SASH1: variants seen among roughly 807,000 people sequenced by gnomAD.
SASH1 encodes the protein SAM and SH3 domain containing 1.
SASH1 carries 44 observed loss-of-function variants against 125.2 expected under a neutral mutation model. That is an observed-to-expected ratio of 0.35 (90% CI 0.28 to 0.45). The LOEUF is 0.45. Among genes scored for constraint, SASH1 ranks in the 20% least tolerant of loss-of-function variants. The pLI is 1.00. For missense variants in SASH1, 1,426 were observed against 1,614.5 expected (o/e 0.88, Z 2.00); for synonymous variants, 639 against 649.1 (o/e 0.98, Z 0.24).
At chr6:148,398,944 C>T (rs938108708) in intron 2 of SASH1, among the ~76,000 whole-genome samples, 6 of 152,180 alleles carry the variant, frequency 3.9e-5, no homozygotes, top group African/African-American at 1.4e-4. Context: ...GCATTTTTTG[C>T]ACATGGCACT....
At chr6:148,214,756 A>C in the SASH1 span, among the ~76,000 whole-genome samples, 10,779 of 152,164 alleles carry the variant, frequency 0.071, 487 homozygotes, top group African/African-American at 0.12. Context: ...AGCGGGGAGG[A>C]AAGTCTCATG....
intron 1 of SASH1, among the ~76,000 whole-genome samples, chr6:148,330,779 T>G (rs1780973127): frequency 6.6e-6 from 1 of 152,066 alleles, no homozygotes; most frequent in African/African-American, 2.4e-5. Flanking sequence ...AGAGATGGGG[T>G]TTCGCCATGT....
intron 1 of SASH1, among the ~76,000 whole-genome samples, chr6:148,304,826 G>A (rs916738891): frequency 6.6e-6 from 1 of 152,140 alleles, no homozygotes; most frequent in Non-Finnish European, 1.5e-5. Context: ...TCAGGAGTTC[G>A]AGATCAGCCT....
chr6:148,467,755 G>A (rs1489290327), intron 4 of SASH1, among the ~76,000 whole-genome samples: 1 of 152,098 alleles, frequency 6.6e-6, no homozygotes, highest in Non-Finnish European at 1.5e-5. Context: ...TGGCCAACAT[G>A]GTGAAACCCC....
In SASH1 at chr6:148,543,724, G is replaced by A. The variant is rs201267871; in HGVS notation, c.2254G>A (p.Glu752Lys). The A allele has an allele frequency of 1.8e-5, 28 of 1,581,360 alleles. No homozygotes were observed. Among genetic ancestry groups the A allele is most frequent in the South Asian group, 5.8e-5 (5 of 86,186 alleles). The change falls in exon 18 of 20, where the codon GAG (glutamate) becomes AAG (lysine). Residue 752 changes from glutamate to lysine, a missense_variant. By Grantham distance (56) the Glu-to-Lys change is moderately conservative (BLOSUM62 1). This residue lies in a region of SASH1 where 634 missense variants were observed against 694.4 expected (regional missense o/e 0.91). Coordinates refer to ENST00000367467, the MANE Select transcript of SASH1 (RefSeq NM_015278.5). Reference protein sequence around the residue: ...ASLLSAKSSTEPSLKSFSRNQ... With the variant: ...ASLLSAKSSTKPSLKSFSRNQ... ...CCTCCTATCTGCCAAGTCATCCACC[G>A]AGCCCAGCTTGAAGTCTTTTAGCAG...
intron 1 of SASH1, among the ~76,000 whole-genome samples, chr6:148,373,741 G>C (rs191683921): frequency 2.8e-5 from 4 of 144,928 alleles, no homozygotes; most frequent in East Asian, 3.9e-4. Flanking sequence ...AGGCCAAGGT[G>C]GGGGGGATCA....
intron 1 of SASH1, among the ~76,000 whole-genome samples, chr6:148,345,213 T>G (rs985035303): frequency 1.3e-5 from 2 of 152,140 alleles, no homozygotes; most frequent in African/African-American, 4.8e-5. Context: ...AAACTTGGGC[T>G]GAGGGTTCTT....
the SASH1 span, among the ~76,000 whole-genome samples, chr6:148,250,434 T>C: frequency 3.3e-5 from 5 of 152,186 alleles, no homozygotes; most frequent in African/African-American, 9.6e-5. Context: ...TTCTTAAGGG[T>C]TCTTAAGTAA....
chr6:148,353,064 A>G (rs1014334981), intron 1 of SASH1, among the ~76,000 whole-genome samples: 1 of 151,966 alleles, frequency 6.6e-6, no homozygotes, highest in African/African-American at 2.4e-5. Flanking sequence ...TAATCTTTTT[A>G]ATTTTTTATT....
At chr6:148,471,279 GA>G (rs1208958310) in intron 5 of SASH1, 137 bp from the exon 6 acceptor site, 4 of 620,178 alleles carry the variant, frequency 6.4e-6, no homozygotes, top group South Asian at 2.3e-5. Context: ...CTAACTGAAA[GA>G]AAAAACTGTC....
the SASH1 span, among the ~76,000 whole-genome samples, chr6:148,194,842 C>T: frequency 6.6e-6 from 1 of 152,178 alleles, no homozygotes; most frequent in Non-Finnish European, 1.5e-5. Context: ...GGAGGCGGAG[C>T]TGGCAGTGAG....
the SASH1 span, among the ~76,000 whole-genome samples, chr6:148,241,929 A>T: frequency 0.63 from 95,322 of 152,056 alleles, 30,588 homozygotes; most frequent in African/African-American, 0.77. Flanking sequence ...ATGTTATTTT[A>T]ATAACCTGAG....
At chr6:148,195,972 T>G in the SASH1 span, among the ~76,000 whole-genome samples, 1 of 151,324 alleles carries the variant, frequency 6.6e-6, no homozygotes, top group Non-Finnish European at 1.5e-5. Flanking sequence ...TTGTGAGACA[T>G]AGAGATTTAA....
upstream of SASH1, among the ~76,000 whole-genome samples, chr6:148,270,967 C>T (rs1462293648): frequency 2.7e-5 from 4 of 148,436 alleles, 1 homozygote; most frequent in Middle Eastern, 0.011. Context: ...TGGAGTGCAG[C>T]GGCACGATCT....
chr6:148,287,843 G>A (rs745340630), intron 1 of SASH1, among the ~76,000 whole-genome samples: 14 of 152,096 alleles, frequency 9.2e-5, no homozygotes, highest in East Asian at 3.9e-4. Context: ...GACATCTCCC[G>A]TCTCCCAAGC....
intron 1 of SASH1, among the ~76,000 whole-genome samples, chr6:148,379,756 C>T (rs571732933): frequency 6.6e-6 from 1 of 152,248 alleles, no homozygotes; most frequent in Admixed American, 6.5e-5. Flanking sequence ...TCTAAAGTTG[C>T]CTGGTAACAA....
intron 1 of SASH1, among the ~76,000 whole-genome samples, chr6:148,305,579 G>A (rs1582942527): frequency 7.0e-6 from 1 of 143,638 alleles, no homozygotes; most frequent in African/African-American, 2.5e-5. Context: ...GCCAAAGATC[G>A]TGCCATTGCA....
At chr6:148,366,283 C>G (rs1468742296) in intron 1 of SASH1, among the ~76,000 whole-genome samples, 54 of 151,852 alleles carry the variant, frequency 3.6e-4, no homozygotes, top group Non-Finnish European at 2.9e-5. Flanking sequence ...GAGCCTGTCT[C>G]AAAAACACAA....
chr6:148,257,252 G>A, the SASH1 span, among the ~76,000 whole-genome samples: 1 of 152,126 alleles, frequency 6.6e-6, no homozygotes, highest in South Asian at 2.1e-4. Context: ...GGAATCCCAG[G>A]TAGAAGGGCA....
Sources: allele counts gnomAD v4.1 joint callset (sites outside exome capture counted in the v4.1 genomes callset), GRCh38; gene constraint gnomAD v4.1.1; regional missense constraint gnomAD v4.1.1; transcripts MANE v1.5; gene names NCBI Gene and HGNC (gene_info 2026-07-23, HGNC 2026-07-21).